The following CDON variants were observed in gnomAD, a reference collection of about 807,000 sequenced individuals.
The protein encoded by CDON is cell adhesion associated, oncogene regulated.
In CDON, 73 loss-of-function variants were observed where a neutral mutation model predicts 120.9. That is an observed-to-expected ratio of 0.60 (90% CI 0.50 to 0.73). The LOEUF (loss-of-function observed/expected upper bound fraction) is 0.73, where lower values mean the gene tolerates loss of function less well. Ranked by LOEUF, CDON falls within the 30% of genes least tolerant of loss-of-function variation. The probability of loss-of-function intolerance (pLI) is 0.00; values close to 1 mark genes in which losing one functional copy is unlikely to be tolerated. For synonymous variants in CDON, 566 were observed against 573.5 expected (o/e 0.99, Z 0.19); for missense variants, 1,470 against 1,587.3 (o/e 0.93, Z 1.26).
intron 1 of CDON, among the ~76,000 whole-genome samples, chr11:126,059,268 G>GGAAA (rs1185757978): frequency 6.6e-6 from 1 of 152,184 alleles, no homozygotes; most frequent in African/African-American, 2.4e-5. Flanking sequence ...TGCTTCGGAG[G>GGAAA]GAAAGCAGAG....
At chr11:125,985,324 C>T (rs150284523) in intron 15 of CDON, among the ~76,000 whole-genome samples, 13 of 152,274 alleles carry the variant, frequency 8.5e-5, no homozygotes, top group Non-Finnish European at 1.8e-4. Flanking sequence ...CACACATGTG[C>T]CCCCACGCAC....
chr11:126,014,957 G>A, intron 7 of CDON: 1 of 422,928 alleles, frequency 2.4e-6, no homozygotes, highest in Non-Finnish European at 4.3e-6. Context: ...GGAACTGACT[G>A]TCTAGGGAAT....
At chr11:126,001,262 A>T (rs1347336055) in intron 11 of CDON, among the ~76,000 whole-genome samples, 1 of 149,830 alleles carries the variant, frequency 6.7e-6, no homozygotes, top group Non-Finnish European at 1.5e-5. Context: ...ATCTCAGCTC[A>T]CTACAACATC....
chr11:125,995,159 T>C, intron 12 of CDON, 107 bp from the exon 13 acceptor site: 1 of 902,306 alleles, frequency 1.1e-6, no homozygotes, highest in Admixed American at 1.9e-5. Flanking sequence ...GCAATTGTGC[T>C]GAAGTACCTA....
intron 1 of CDON, among the ~76,000 whole-genome samples, chr11:126,049,405 G>A (rs1948499145): frequency 6.6e-6 from 1 of 152,162 alleles, no homozygotes; most frequent in Non-Finnish European, 1.5e-5. Context: ...CATCTCCAGA[G>A]TGAAAATAAA....
At chr11:125,982,505 C>T (rs1282684974) in intron 16 of CDON, among the ~76,000 whole-genome samples, 7 of 152,148 alleles carry the variant, frequency 4.6e-5, no homozygotes, top group Non-Finnish European at 7.3e-5. Flanking sequence ...TGTGTGCTCT[C>T]GCCCAGGTGT....
chr11:126,041,337 A>T (rs1220687874), intron 1 of CDON, among the ~76,000 whole-genome samples: 2 of 152,186 alleles, frequency 1.3e-5, no homozygotes. Flanking sequence ...AAACATTATG[A>T]TCTTAAAAGC....
chr11:125,989,135 T>G (rs1269474683), intron 15 of CDON, among the ~76,000 whole-genome samples: 2 of 152,234 alleles, frequency 1.3e-5, no homozygotes, highest in Non-Finnish European at 2.9e-5. Flanking sequence ...TTATGTAAAC[T>G]ATTTTTTAAA....
At chr11:126,013,400 C>T (rs1947362111) in intron 7 of CDON, among the ~76,000 whole-genome samples, 2 of 152,120 alleles carry the variant, frequency 1.3e-5, no homozygotes, top group African/African-American at 2.4e-5. Flanking sequence ...TCTATCACTT[C>T]GAAGTTTGGT....
intron 17 of CDON, 67 bp from the exon 18 acceptor site, chr11:125,978,450 T>C: frequency 1.0e-6 from 1 of 986,898 alleles, no homozygotes; most frequent in East Asian, 2.5e-5. Flanking sequence ...CACAGACCAG[T>C]AGCCAAATAA....
At position 126,017,100 on chromosome 11, in the gene CDON, C is replaced by A. The variant is rs1947490359; in HGVS notation, c.916G>T (p.Val306Phe). The A allele has an allele frequency of 1.2e-6, 2 of 1,613,972 alleles. No homozygotes were observed. Among genetic ancestry groups the A allele is most frequent in the Non-Finnish European group, 1.7e-6 (2 of 1,179,846 alleles). Residue 306 changes from valine to phenylalanine, a missense_variant, in exon 6 of 20, where the codon GTT (valine) becomes TTT (phenylalanine). Physicochemically the swap from Val to Phe is conservative, Grantham distance 50. Coordinates refer to ENST00000531738, the MANE Select transcript of CDON (RefSeq NM_001378964.1). ...ACTAACATCTTACCAAGTACATTAA[C>A]CATGTAAGTCACATATTTTACATCT... ...SGDVKYVTYM[V>F]NVLEHASISK...
chr11:126,035,066 C>T (rs1948057420), intron 1 of CDON, among the ~76,000 whole-genome samples: 1 of 152,148 alleles, frequency 6.6e-6, no homozygotes, highest in South Asian at 2.1e-4. Flanking sequence ...TGCTTAGACC[C>T]TACTGACTTA....
chr11:125,985,862 T>C lies in CDON; in HGVS notation c.2774-1769A>G, dbSNP rs919731658. Among the ~76,000 whole-genome samples the C allele has an allele frequency of 4.0e-5, 6 of 151,726 alleles. No individual in the cohort carries two copies. The East Asian group carries it at 7.7e-4, about 19-fold the overall frequency. ...GAGAAATAGGAATGCTTTTACACTG[T>C]TGGTGGAAGTGTAAACTAGTTCAAC... On this transcript the variant is annotated intron_variant, in intron 15 of 19. Coordinates refer to ENST00000531738, the MANE Select transcript of CDON (RefSeq NM_001378964.1).
chr11:125,996,724 G>T (rs1401155248), intron 12 of CDON, among the ~76,000 whole-genome samples: 1 of 123,992 alleles, frequency 8.1e-6, no homozygotes. Context: ...AAAAAAAAAA[G>T]GCTAAGAAAA....
At chr11:125,987,192 G>C (rs1366780073) in intron 15 of CDON, among the ~76,000 whole-genome samples, 1 of 152,202 alleles carries the variant, frequency 6.6e-6, no homozygotes, top group Non-Finnish European at 1.5e-5. Flanking sequence ...ACTGAGGACA[G>C]ATGGCTTGCA....
intron 1 of CDON, among the ~76,000 whole-genome samples, chr11:126,039,448 T>C (rs879414956): frequency 6.6e-6 from 1 of 152,210 alleles, no homozygotes; most frequent in African/African-American, 2.4e-5. Flanking sequence ...GTAATTTCAG[T>C]ATAAATGCAG....
At chr11:126,040,790 G>C (rs560827026) in intron 1 of CDON, among the ~76,000 whole-genome samples, 14 of 123,558 alleles carry the variant, frequency 1.1e-4, no homozygotes, top group Non-Finnish European at 1.1e-4. Flanking sequence ...ACTCCAGCTC[G>C]GGCAACAGAG....
At position 126,021,484 on chromosome 11, in the gene CDON, G is replaced by T; in HGVS notation, c.113C>A (p.Ala38Asp). ...APYFTSEPLS[A>D]VQKLGGPVVL... is the part of the protein sequence containing the mutation. ...TACAGGTCCACCAAGTTTCTGGACA[G>T]CAGAGAGCGGCTCAGAAGTAAAATA... The change falls in exon 3 of 20, where the codon GCT becomes GAT. Residue 38 changes from alanine (A) to aspartate (D), a missense_variant. Physicochemically the swap from Ala to Asp is moderately radical, Grantham distance 126. Transcript: ENST00000531738. 1.2e-6 allele frequency: 2 copies of T among 1,614,068 alleles called. No individual in the cohort carries two copies. Among genetic ancestry groups the T allele is most frequent in the Non-Finnish European group, 1.7e-6 (2 of 1,179,952 alleles).
chr11:126,036,296 TATTTCCAAAAAATCA>T (rs1356785084), intron 1 of CDON, among the ~76,000 whole-genome samples: 29 of 152,350 alleles, frequency 1.9e-4, no homozygotes, highest in Non-Finnish European at 5.9e-5. Flanking sequence ...CATTAATGAC[TATTTCCAAAAAATCA>T]ATTTCCAAAA....
Sources: allele counts gnomAD v4.1 joint callset (sites outside exome capture counted in the v4.1 genomes callset), GRCh38; gene constraint gnomAD v4.1.1; transcripts MANE v1.5; gene names NCBI Gene and HGNC (gene_info 2026-07-23, HGNC 2026-07-21).